The following ATRX variants were observed in gnomAD, a reference collection of about 807,000 sequenced individuals.
The protein encoded by ATRX is ATRX chromatin remodeler, also known as chromatin remodeler ATRX.
ATRX carries 12 observed loss-of-function variants against 172.6 expected under a neutral mutation model. That is an observed-to-expected ratio of 0.07 (90% CI 0.04 to 0.11). The LOEUF (loss-of-function observed/expected upper bound fraction) is 0.11, where lower values mean the gene tolerates loss of function less well. ATRX is among the 10% of genes least tolerant of loss of function. The pLI, the probability that ATRX is intolerant of heterozygous loss-of-function variation, is 1.00. For synonymous variants in ATRX, 674 were observed against 594.7 expected, an observed-to-expected ratio of 1.13 and a Z score of -1.94; for missense variants, 1,368 against 1,767.4, an observed-to-expected ratio of 0.77 and a Z score of 4.05.
intron 34 of ATRX, among the ~76,000 whole-genome samples, chrX:77,514,176 T>C (rs1230391935): frequency 8.9e-6 from 1 of 112,294 alleles, no homozygotes; most frequent in Non-Finnish European, 1.9e-5. Context: ...GAAATGGTCA[T>C]ACTGCCCAAA....
chrX:77,644,991 T>C (rs1557112986), intron 15 of ATRX, among the ~76,000 whole-genome samples: 1 of 110,977 alleles, frequency 9.0e-6, no homozygotes, highest in African/African-American at 3.3e-5. Flanking sequence ...AAAGAGAATA[T>C]TGAAAGCAGC....
At chrX:77,698,535 A>G (rs1557151367) in intron 3 of ATRX, 39 bp downstream of exon 3, 3 of 1,141,972 alleles carry the variant, frequency 2.6e-6, no homozygotes, top group Non-Finnish European at 1.2e-6. Context: ...CTACTTGGTT[A>G]ATCGTAACTA....
chrX:77,636,169 A>C, intron 15 of ATRX, 113 bp from the exon 16 acceptor site: 2 of 715,693 alleles, frequency 2.8e-6, no homozygotes, highest in Non-Finnish European at 4.3e-6. Flanking sequence ...CACACCACAA[A>C]TCCAATTGGT....
At chrX:77,756,169 G>A (rs1301023575) in intron 1 of ATRX, among the ~76,000 whole-genome samples, 5 of 111,540 alleles carry the variant, frequency 4.5e-5, no homozygotes, top group African/African-American at 1.6e-4. Flanking sequence ...GCCTACTCAA[G>A]CCTCAGTAAT....
rs45526440 is a variant in ATRX, at chrX:77,589,590, C to T, written c.6217+244G>A. Reference sequence around the variant, plus strand: ...ATGTTCATCTGCTTCACTACAGTAGCCATTTTACTATCTATATGTATCCCA... The same window carrying T: ...ATGTTCATCTGCTTCACTACAGTAGTCATTTTACTATCTATATGTATCCCA... On this transcript the variant is annotated intron_variant, in intron 27 of 34. Transcript: ENST00000373344. 0.037 allele frequency among the ~76,000 whole-genome samples: 4,142 copies of T among 111,515 alleles called. 77 individuals carry two copies. The highest frequency in any genetic ancestry group is 0.087 in the East Asian group (310 of 3,545).
At chrX:77,749,761 G>A (rs1207897614) in intron 1 of ATRX, among the ~76,000 whole-genome samples, 3 of 111,545 alleles carry the variant, frequency 2.7e-5, no homozygotes, top group Admixed American at 9.6e-5. Flanking sequence ...TAAACTGCAC[G>A]ATTCTGAGTA....
intron 5 of ATRX, among the ~76,000 whole-genome samples, chrX:77,694,402 G>A (rs2072068514): frequency 9.0e-6 from 1 of 111,205 alleles, no homozygotes. Context: ...TATATTGCAA[G>A]GGAGGGGTAT....
intron 1 of ATRX, among the ~76,000 whole-genome samples, chrX:77,753,593 G>C (rs972906001): frequency 9.0e-6 from 1 of 111,460 alleles, no homozygotes; most frequent in Non-Finnish European, 1.9e-5. Context: ...TCTGATGGGG[G>C]CATTTAGTGA....
chrX:77,783,110 T>C (rs1338609398), intron 1 of ATRX, among the ~76,000 whole-genome samples: 23 of 111,340 alleles, frequency 2.1e-4, no homozygotes, highest in African/African-American at 7.5e-4. Context: ...GGCACACACC[T>C]GTTAATCCCA....
intron 1 of ATRX, among the ~76,000 whole-genome samples, chrX:77,767,080 T>C (rs1420579060): frequency 3.5e-4 from 38 of 109,845 alleles, no homozygotes; most frequent in East Asian, 8.9e-4. Flanking sequence ...ACCAGTCAGG[T>C]GTGGTGGCGC....
chrX:77,717,995 C>T (rs1466942033), intron 1 of ATRX, among the ~76,000 whole-genome samples: 1 of 111,256 alleles, frequency 9.0e-6, no homozygotes, highest in African/African-American at 3.3e-5. Flanking sequence ...GTCATATTAT[C>T]ATTAGGCACC....
intron 1 of ATRX, among the ~76,000 whole-genome samples, chrX:77,767,497 G>C (rs2076012628): frequency 1.8e-5 from 2 of 109,863 alleles, no homozygotes; most frequent in Admixed American, 2.0e-4. Flanking sequence ...CTGGGTTCAA[G>C]CAATTCTCTC....
At chrX:77,752,462 C>T (rs1437676239) in intron 1 of ATRX, among the ~76,000 whole-genome samples, 1 of 111,526 alleles carries the variant, frequency 9.0e-6, no homozygotes, top group Non-Finnish European at 1.9e-5. Flanking sequence ...TTTGAATAAC[C>T]TTTATTTCTT....
intron 22 of ATRX, among the ~76,000 whole-genome samples, chrX:77,614,371 T>C (rs1298703529): frequency 9.0e-6 from 1 of 111,609 alleles, no homozygotes; most frequent in Non-Finnish European, 1.9e-5. Flanking sequence ...ATGGGTAATA[T>C]TGCATTTGGT....
intron 2 of ATRX, among the ~76,000 whole-genome samples, chrX:77,703,333 G>A (rs2072638198): frequency 8.8e-6 from 1 of 113,035 alleles, no homozygotes; most frequent in African/African-American, 3.2e-5. Flanking sequence ...GAAGCAGCAA[G>A]GGGTATGTGA....
chrX:77,698,056 T>C (rs1394821089), intron 3 of ATRX, among the ~76,000 whole-genome samples: 1 of 111,707 alleles, frequency 9.0e-6, no homozygotes, highest in African/African-American at 3.3e-5. Flanking sequence ...ACATATGGCA[T>C]GAAGTAACTT....
chrX:77,520,435 C>A (rs1456859539), intron 34 of ATRX, among the ~76,000 whole-genome samples: 1 of 110,705 alleles, frequency 9.0e-6, no homozygotes, highest in Non-Finnish European at 1.9e-5. Flanking sequence ...AATATATATA[C>A]CTATTATATA....
At chrX:77,713,961 G>A (rs576550941) in intron 2 of ATRX, among the ~76,000 whole-genome samples, 48 of 111,375 alleles carry the variant, frequency 4.3e-4, no homozygotes, top group African/African-American at 1.5e-3. Flanking sequence ...GAGGGAGAGG[G>A]ACCTAATCTA....
chrX:77,546,970 T>C (rs1404976551), intron 30 of ATRX, among the ~76,000 whole-genome samples: 1 of 112,157 alleles, frequency 8.9e-6, no homozygotes, highest in Non-Finnish European at 1.9e-5. Flanking sequence ...TTATGTATTA[T>C]GCCAGGTATT....
Sources: gnomAD v4.1 joint callset for allele counts (sites outside exome capture counted in the v4.1 genomes callset) on GRCh38, gnomAD v4.1.1 for gene constraint, MANE v1.5 for transcripts, NCBI Gene and HGNC (gene_info 2026-07-23, HGNC 2026-07-21) for gene names.